CC2D2B: variants seen among roughly 807,000 people sequenced by gnomAD.
The protein encoded by CC2D2B is coiled-coil and C2 domain containing 2B.
CC2D2B carries 128 observed loss-of-function variants against 161.2 expected under a neutral mutation model. The observed-to-expected ratio is 0.79, with a 90% CI of 0.69 to 0.92. The LOEUF (loss-of-function observed/expected upper bound fraction) is 0.92, where lower values mean the gene tolerates loss of function less well. Ranked by LOEUF, CC2D2B falls within the 40% of genes least tolerant of loss-of-function variation. The pLI is 0.00. For missense variants in CC2D2B, 1,173 were observed against 1,375.1 expected (o/e 0.85, Z 2.32); for synonymous variants, 391 against 449.8 (o/e 0.87, Z 1.65).
chr10:96,025,158 T>TATATATATATATAAA (rs2079650637), intron 33 of CC2D2B, among the ~76,000 whole-genome samples: 2 of 8,006 alleles, frequency 2.5e-4, no homozygotes, highest in African/African-American at 1.1e-3. Flanking sequence ...AAAAAAAATA[T>TATATATATATATAAA]ATATATATAT....
At chr10:96,003,522 G>T (rs539596903) in intron 24 of CC2D2B, among the ~76,000 whole-genome samples, 132 of 151,618 alleles carry the variant, frequency 8.7e-4, no homozygotes, top group Non-Finnish European at 1.6e-3. Flanking sequence ...GGGTTCAAGC[G>T]ATTCTCCTGC....
intron 20 of CC2D2B, among the ~76,000 whole-genome samples, chr10:95,989,952 T>C (rs1201903775): frequency 6.6e-6 from 1 of 152,206 alleles, no homozygotes; most frequent in Non-Finnish European, 1.5e-5. Context: ...GTGCATTACA[T>C]TTCCTGCTGT....
At chr10:95,924,630 T>A (rs1363689442) in intron 4 of CC2D2B, 149 bp from the exon 5 acceptor site, 10 of 619,894 alleles carry the variant, frequency 1.6e-5, no homozygotes, top group South Asian at 2.3e-5. Flanking sequence ...AAATGACATT[T>A]CAGTATGTCT....
intron 1 of CC2D2B, among the ~76,000 whole-genome samples, chr10:95,908,617 G>A (rs879400451): frequency 5.9e-5 from 9 of 152,062 alleles, no homozygotes; most frequent in Admixed American, 4.6e-4. Context: ...ATGTTGGAGA[G>A]TGGTCAATGT....
At chr10:95,927,173 C>G (rs2098540879) in intron 5 of CC2D2B, 64 bp from the exon 6 acceptor site, 4 of 894,972 alleles carry the variant, frequency 4.5e-6, no homozygotes. Flanking sequence ...TTACAGAAAA[C>G]TATTTCCTTT....
intron 2 of CC2D2B, chr10:95,921,619 A>G (rs1251926216): frequency 6.6e-6 from 1 of 152,578 alleles, no homozygotes; most frequent in African/African-American, 2.4e-5. Flanking sequence ...TAATTTCACC[A>G]TATATAAAGA....
At chr10:96,023,228 G>T (rs1240336027) in intron 32 of CC2D2B, among the ~76,000 whole-genome samples, 1 of 152,216 alleles carries the variant, frequency 6.6e-6, no homozygotes, top group Non-Finnish European at 1.5e-5. Context: ...AAAACTCATA[G>T]TTGTGTTTAG....
At chr10:95,978,368 C>G (rs2077393533) in intron 17 of CC2D2B, among the ~76,000 whole-genome samples, 1 of 151,892 alleles carries the variant, frequency 6.6e-6, no homozygotes, top group African/African-American at 2.4e-5. Flanking sequence ...GTCTATTATT[C>G]ATTTATTTAT....
chr10:95,983,224 C>A (rs560921033), intron 18 of CC2D2B, among the ~76,000 whole-genome samples: 2 of 152,354 alleles, frequency 1.3e-5, no homozygotes, highest in South Asian at 2.1e-4. Flanking sequence ...GATTAGATTG[C>A]TGCAAGTAAA....
chr10:95,943,439 C>T (rs2076090879), intron 9 of CC2D2B, among the ~76,000 whole-genome samples: 2 of 152,100 alleles, frequency 1.3e-5, no homozygotes, highest in South Asian at 2.1e-4. Context: ...TTTGGTTTTG[C>T]TGTCTAGTTG....
At chr10:95,997,674 C>T (rs1158509548) in intron 24 of CC2D2B, among the ~76,000 whole-genome samples, 1 of 152,238 alleles carries the variant, frequency 6.6e-6, no homozygotes, top group Non-Finnish European at 1.5e-5. Context: ...AGGCATGAGC[C>T]ACCACACCTG....
rs770948218 is a variant in CC2D2B at position 96,032,034 on chromosome 10, T to C, written c.*26T>C. On this transcript the variant is annotated 3_prime_UTR_variant, in exon 35 of 35. Coordinates refer to ENST00000646931, the MANE Select transcript of CC2D2B (RefSeq NM_001349008.3). ...AAAGGAAGCAGAGCAAAGTAAAAGA[T>C]TGTACTATAGTCCTCTAGTACCAAC... is the stretch of plus-strand genomic sequence containing the variant. 1.6e-5 allele frequency: 26 copies of C among 1,580,204 alleles called. No individual in the cohort carries two copies. Among genetic ancestry groups the C allele is most frequent in the Middle Eastern group, 1.8e-4 (1 of 5,484 alleles).
intron 6 of CC2D2B, among the ~76,000 whole-genome samples, chr10:95,933,120 T>A (rs978729940): frequency 6.6e-6 from 1 of 152,080 alleles, no homozygotes; most frequent in Non-Finnish European, 1.5e-5. Flanking sequence ...CATGCTTTAT[T>A]TCATTAAGTT....
chr10:95,993,847 TATATAG>T lies in CC2D2B; in HGVS notation c.2642+1152_2642+1157del, dbSNP rs1173501812. Among the ~76,000 whole-genome samples the T allele has an allele frequency of 4.0e-3, 420 of 106,198 alleles. 4 individuals carry two copies. The highest frequency in any genetic ancestry group is 0.035 in the Middle Eastern group (8 of 230). The allele number at this position is 106,198 out of a possible 152,430, so 69.7% of individuals were successfully genotyped here. A position where few individuals can be genotyped will look rare whatever the true frequency, so the allele number is the denominator to read the frequency against. On this transcript the variant is annotated intron_variant, in intron 22 of 34. Transcript: ENST00000646931. ...TATATAAAGAGTGTATATATATATA[TATATAG>T]AGAGAGAGAGAGAGAGAGTGTATAT...
intron 9 of CC2D2B, among the ~76,000 whole-genome samples, chr10:95,939,452 G>T (rs936819262): frequency 1.3e-5 from 2 of 150,310 alleles, no homozygotes; most frequent in African/African-American, 4.9e-5. Flanking sequence ...ATGAAAATTT[G>T]CACATCTTCT....
chr10:96,023,787 G>C (rs2079569553), intron 32 of CC2D2B, among the ~76,000 whole-genome samples: 1 of 152,202 alleles, frequency 6.6e-6, no homozygotes, highest in African/African-American at 2.4e-5. Flanking sequence ...CCAGCGGAAG[G>C]GGAGCTTGTT....
At chr10:96,022,269 C>T (rs879810347) in intron 32 of CC2D2B, among the ~76,000 whole-genome samples, 3 of 152,028 alleles carry the variant, frequency 2.0e-5, no homozygotes, top group Non-Finnish European at 4.4e-5. Context: ...TTGCAGTGAG[C>T]TGAAATTGCA....
intron 20 of CC2D2B, among the ~76,000 whole-genome samples, chr10:95,990,217 G>T (rs529742046): frequency 1.3e-5 from 2 of 152,118 alleles, no homozygotes; most frequent in African/African-American, 4.8e-5. Context: ...AGAGTGAAAG[G>T]TGCTATGAAA....
chr10:95,932,945 A>G (rs1010937644), intron 6 of CC2D2B, among the ~76,000 whole-genome samples: 1 of 152,120 alleles, frequency 6.6e-6, no homozygotes, highest in Non-Finnish European at 1.5e-5. Flanking sequence ...AAGTTGGGGA[A>G]GTTCTCTTGG....
Sources: gnomAD v4.1 joint callset for allele counts (sites outside exome capture counted in the v4.1 genomes callset) on GRCh38, gnomAD v4.1.1 for gene constraint, MANE v1.5 for transcripts, NCBI Gene and HGNC (gene_info 2026-07-23, HGNC 2026-07-21) for gene names.